UBE3A: variants seen among roughly 807,000 people sequenced by gnomAD.
UBE3A encodes ubiquitin-protein ligase E3A.
UBE3A carries 6 observed loss-of-function variants against 83.4 expected under a neutral mutation model. The ratio of observed to expected loss-of-function variants is 0.07; its 90% CI spans 0.04 to 0.14. The LOEUF is 0.14. Ranked by LOEUF, UBE3A falls within the 10% of genes least tolerant of loss-of-function variation. UBE3A has a pLI of 1.00. For synonymous variants in UBE3A, 337 were observed against 355.4 expected (o/e 0.95, Z 0.58); for missense variants, 456 against 1,036.1 (o/e 0.44, Z 7.69).
chr15:25,353,809 G>A (rs1175187691), intron 11 of UBE3A, among the ~76,000 whole-genome samples: 2 of 152,118 alleles, frequency 1.3e-5, no homozygotes, highest in Admixed American at 1.3e-4. Flanking sequence ...AGACAGTAGA[G>A]TAGTAAGGGC....
At chr15:25,410,149 T>TA (rs1261511436) in intron 2 of UBE3A, among the ~76,000 whole-genome samples, 3 of 152,076 alleles carry the variant, frequency 2.0e-5, no homozygotes, top group Non-Finnish European at 4.4e-5. Context: ...ATAATAATAA[T>TA]AAAAAACATC....
intron 7 of UBE3A, among the ~76,000 whole-genome samples, chr15:25,357,155 T>C (rs960277149): frequency 6.6e-6 from 1 of 152,112 alleles, no homozygotes; most frequent in African/African-American, 2.4e-5. Context: ...TGGCATCGGG[T>C]AGAAAAATAC....
At chr15:25,407,640 T>C (rs1362865649) in intron 3 of UBE3A, 2 of 152,308 alleles carry the variant, frequency 1.3e-5, no homozygotes, top group East Asian at 1.9e-4. Flanking sequence ...TTAAAAACCA[T>C]TGATAAGACA....
At chr15:25,377,604 A>C (rs2152863364) in intron 4 of UBE3A, among the ~76,000 whole-genome samples, 1 of 152,350 alleles carries the variant, frequency 6.6e-6, no homozygotes, top group South Asian at 2.1e-4. Context: ...CCCAAACTAC[A>C]GTGACTTCCC....
intron 11 of UBE3A, among the ~76,000 whole-genome samples, chr15:25,349,198 G>A (rs1407343424): frequency 3.9e-5 from 6 of 152,106 alleles, no homozygotes; most frequent in Non-Finnish European, 8.8e-5. Context: ...AAATGGTACT[G>A]GAACAAATAA....
At chr15:25,437,850 A>AC in intron 1 of UBE3A, among the ~76,000 whole-genome samples, 1 of 151,584 alleles carries the variant, frequency 6.6e-6, no homozygotes, top group African/African-American at 2.4e-5. Flanking sequence ...TACACTGAAA[A>AC]GGGGGGGGAA....
rs2088290175 is a variant in UBE3A at position 25,405,522 on chromosome 15, A to C, written c.21-20T>G. 2 of 1,613,420 alleles carry C rather than the reference A, an allele frequency of 1.2e-6. No homozygotes were observed. Among genetic ancestry groups the C allele is most frequent in the Non-Finnish European group, 1.7e-6 (2 of 1,179,596 alleles). Reference sequence around the variant, plus strand: ...CCTGATCTGTAAAATGCAATTGAGAAACAGTTAGCAAAATATTCCATATTC... The same window carrying C: ...CCTGATCTGTAAAATGCAATTGAGACACAGTTAGCAAAATATTCCATATTC... On this transcript the variant is annotated intron_variant, in intron 3 of 12. Transcript: ENST00000648336.
At chr15:25,349,356 CAA>C (rs2076171625) in intron 11 of UBE3A, among the ~76,000 whole-genome samples, 1 of 151,652 alleles carries the variant, frequency 6.6e-6, no homozygotes, top group Admixed American at 6.6e-5. Context: ...TTGGGCTAGG[CAA>C]AGATATAAAA....
chr15:25,365,128 G>A (rs946109787), intron 6 of UBE3A, among the ~76,000 whole-genome samples: 31 of 152,032 alleles, frequency 2.0e-4, no homozygotes, highest in Middle Eastern at 3.4e-3. Flanking sequence ...TGGATAAAAT[G>A]ATTTTTAATT....
In UBE3A at chr15:25,360,504, A is replaced by G; in HGVS notation, c.1632T>C (p.Asn544=). 6.2e-7 allele frequency: 1 copy of G among 1,613,748 alleles called. No homozygotes were observed. Among genetic ancestry groups the G allele is most frequent in the Non-Finnish European group, 8.5e-7 (1 of 1,179,918 alleles). Residue 544 remains asparagine (N), a synonymous_variant, in exon 7 of 13, where the codon AAT becomes AAC. Transcript: ENST00000648336. ...LVRLEMIAME[N]PADLKKQLYV... Reference sequence around the variant, plus strand: ...ACAACTGCTTCTTCAAGTCTGCAGGATTTTCCATAGCGATCATCTCTAGCT... The same window carrying G: ...ACAACTGCTTCTTCAAGTCTGCAGGGTTTTCCATAGCGATCATCTCTAGCT...
intron 7 of UBE3A, among the ~76,000 whole-genome samples, chr15:25,358,948 G>GT (rs1431694049): frequency 6.6e-6 from 1 of 152,156 alleles, no homozygotes; most frequent in Non-Finnish European, 1.5e-5. Flanking sequence ...TGACAATGGT[G>GT]TGTCTAAAAA....
intron 6 of UBE3A, among the ~76,000 whole-genome samples, chr15:25,367,280 TTTAAA>T (rs1220145634): frequency 4.1e-5 from 6 of 148,098 alleles, no homozygotes; most frequent in East Asian, 2.0e-4. Context: ...TATTTACATA[TTTAAA>T]TTAAATTAAT....
chr15:25,414,561 T>A (rs1274702332), intron 1 of UBE3A, among the ~76,000 whole-genome samples: 1 of 152,278 alleles, frequency 6.6e-6, no homozygotes, highest in South Asian at 2.1e-4. Context: ...CCATTCTTTA[T>A]GAGGGACAAG....
At chr15:25,375,322 G>T in intron 5 of UBE3A, 143 bp downstream of exon 5, 2 of 931,316 alleles carry the variant, frequency 2.1e-6, no homozygotes, top group Non-Finnish European at 1.6e-6. Flanking sequence ...TATTATTCCT[G>T]TCCGTTACCA....
Position 25,335,587 on chromosome 15 carries a change from T to C in UBE3A, c.*3550A>G, listed in dbSNP as rs956021451. ...GGAAAGAAGTGACAACCTGTGACAA[T>C]TGAGGAATGAGAGATTTTGATGATT... is the stretch of plus-strand genomic sequence containing the variant. On this transcript the variant is annotated 3_prime_UTR_variant, in exon 13 of 13. Coordinates refer to ENST00000648336, the MANE Select transcript of UBE3A (RefSeq NM_130839.5). The C allele has an allele frequency of 1.3e-5, 2 of 151,992 alleles. No individual in the cohort carries two copies. The highest frequency in any genetic ancestry group is 4.8e-5 in the African/African-American group (2 of 41,352). The allele number at this position is 151,992 out of a possible 1,614,324, so 9.4% of individuals were successfully genotyped here. A position where few individuals can be genotyped will look rare whatever the true frequency, so the allele number is the denominator to read the frequency against.
intron 4 of UBE3A, among the ~76,000 whole-genome samples, chr15:25,386,805 GA>G (rs200607511): frequency 2.7e-5 from 4 of 150,318 alleles, no homozygotes; most frequent in African/African-American, 7.3e-5. Flanking sequence ...AGTGTTGAGA[GA>G]AAAAAAAACC....
chr15:25,352,152 G>A (rs944231111), intron 11 of UBE3A, among the ~76,000 whole-genome samples: 13 of 152,110 alleles, frequency 8.5e-5, no homozygotes, highest in African/African-American at 1.7e-4. Context: ...CTGAGACTGC[G>A]CCACTGCACT....
rs2079009645 is a variant in UBE3A, at chr15:25,365,791, T to G, written c.1608+4775A>C. Among the ~76,000 whole-genome samples, 3 of 151,386 alleles carry G rather than the reference T, an allele frequency of 2.0e-5. No individual in the cohort carries two copies. In the South Asian group the frequency reaches 6.3e-4, roughly 32 times the overall value. Reference sequence around the variant, plus strand: ...GAGGAAAAAGAAAGAAAGGCTAGCTTCAACTACTTCAGTCAACTTGAGGCT... The same window carrying G: ...GAGGAAAAAGAAAGAAAGGCTAGCTGCAACTACTTCAGTCAACTTGAGGCT... On this transcript the variant is annotated intron_variant, in intron 6 of 12. Transcript: ENST00000648336.
chr15:25,384,211 G>A (rs1159074192), intron 4 of UBE3A, among the ~76,000 whole-genome samples: 1 of 152,116 alleles, frequency 6.6e-6, no homozygotes, highest in Non-Finnish European at 1.5e-5. Flanking sequence ...TGTAACCCCA[G>A]CAGTTTGGGA....
Sources: gnomAD v4.1 joint callset for allele counts (sites outside exome capture counted in the v4.1 genomes callset) on GRCh38, gnomAD v4.1.1 for gene constraint, MANE v1.5 for transcripts, NCBI Gene and HGNC (gene_info 2026-07-23, HGNC 2026-07-21) for gene names.